Variants in TENM4 observed in about 807,000 individuals in gnomAD.
TENM4 encodes the protein teneurin transmembrane protein 4, also known as teneurin-4.
Under a neutral mutation model 243.3 loss-of-function variants are expected in TENM4, and 82 were observed. That is an observed-to-expected ratio of 0.34 (90% confidence interval 0.28 to 0.40). The LOEUF (loss-of-function observed/expected upper bound fraction) is 0.40, where lower values mean the gene tolerates loss of function less well. TENM4 is among the 10% of genes least tolerant of loss of function. TENM4 has a pLI of 1.00. For synonymous variants in TENM4, 1,412 were observed against 1,456.3 expected, an observed-to-expected ratio of 0.97 and a Z score of 0.69; for missense variants, 3,138 against 3,673.3, an observed-to-expected ratio of 0.85 and a Z score of 3.77.
intron 15 of TENM4, among the ~76,000 whole-genome samples, chr11:78,801,244 T>G (rs1857275864): frequency 6.6e-6 from 1 of 152,150 alleles, no homozygotes. Context: ...CTTTTCTATC[T>G]GTTTAACAGC....
chr11:79,165,879 C>A (rs1156552291), intron 3 of TENM4, among the ~76,000 whole-genome samples: 5 of 152,098 alleles, frequency 3.3e-5, no homozygotes, highest in East Asian at 1.9e-4. Context: ...ATCCAAGTAC[C>A]ATTTGTTGAA....
At chr11:79,019,990 C>CCA (rs1021381188) in intron 6 of TENM4, among the ~76,000 whole-genome samples, 23 of 152,212 alleles carry the variant, frequency 1.5e-4, no homozygotes, top group African/African-American at 5.3e-4. Context: ...TCTCAATATC[C>CCA]CACCACCCTG....
chr11:79,001,358 C>T (rs1305642418), intron 6 of TENM4, among the ~76,000 whole-genome samples: 1 of 152,060 alleles, frequency 6.6e-6, no homozygotes, highest in East Asian at 1.9e-4. Flanking sequence ...AGCTGGGAAC[C>T]CTGCATGGGG....
chr11:79,024,309 C>T (rs1859017486), intron 6 of TENM4, among the ~76,000 whole-genome samples: 1 of 152,184 alleles, frequency 6.6e-6, no homozygotes, highest in Non-Finnish European at 1.5e-5. Flanking sequence ...TTCCAGCCTC[C>T]CTAGACTTCC....
At chr11:79,422,248 T>TACACACATACAC (rs1858948740) in intron 1 of TENM4, 1 of 142,736 alleles carries the variant, frequency 7.0e-6, no homozygotes, top group Non-Finnish European at 1.5e-5. Context: ...ACATGGTTCT[T>TACACACATACAC]ACACACACAC....
intron 20 of TENM4, among the ~76,000 whole-genome samples, chr11:78,735,950 CTT>C (rs928368938): frequency 6.8e-6 from 1 of 146,650 alleles, no homozygotes; most frequent in Non-Finnish European, 1.5e-5. Flanking sequence ...TTCTCTCTCT[CTT>C]TTTTCTTTTG....
At chr11:79,248,073 C>G (rs1009849979) in intron 2 of TENM4, among the ~76,000 whole-genome samples, 3 of 152,146 alleles carry the variant, frequency 2.0e-5, no homozygotes, top group Admixed American at 6.5e-5. Context: ...CCCAAGATGA[C>G]GTGGCTCATT....
At chr11:78,898,961 T>C (rs971384705) in intron 7 of TENM4, among the ~76,000 whole-genome samples, 5 of 152,176 alleles carry the variant, frequency 3.3e-5, no homozygotes, top group Admixed American at 6.5e-5. Flanking sequence ...GACATTATCT[T>C]AATATGTTTG....
chr11:78,928,690 A>G (rs1054617810), intron 6 of TENM4, among the ~76,000 whole-genome samples: 1 of 152,216 alleles, frequency 6.6e-6, no homozygotes, highest in African/African-American at 2.4e-5. Flanking sequence ...AATTAAACCT[A>G]GTTTATAATT....
intron 4 of TENM4, among the ~76,000 whole-genome samples, chr11:79,121,711 G>C (rs953027153): frequency 1.3e-5 from 2 of 152,156 alleles, no homozygotes; most frequent in African/African-American, 4.8e-5. Context: ...GTTGGCTCAG[G>C]AACCCATCGT....
rs376797038 is a variant in TENM4, at chr11:78,670,491, G to A, written c.5854C>T (p.Arg1952Cys). 3.6e-5 allele frequency: 58 copies of A among 1,613,638 alleles called. No homozygotes were observed. Among genetic ancestry groups the A allele is most frequent in the African/African-American group, 2.8e-4 (21 of 74,914 alleles). Residue 1952 changes from arginine (R) to cysteine (C), a missense_variant, in exon 32 of 34, where the codon CGC becomes TGC. Around this residue, in one of 2 missense-constraint regions of TENM4, gnomAD observed 2,467 missense variants for 3,059.1 expected, o/e 0.81. Transcript: ENST00000278550. ...QYIFEFDKND[R>C]LSSVTMPNVA... is the part of the protein sequence containing the mutation. ...TTGGGCATCGTCACAGAAGAGAGGC[G>A]GTCATTCTTGTCGAACTCAAAGATA...
intron 1 of TENM4, among the ~76,000 whole-genome samples, chr11:79,427,958 G>A (rs957438063): frequency 1.3e-5 from 2 of 152,080 alleles, no homozygotes; most frequent in Non-Finnish European, 2.9e-5. Context: ...ACTGACAAAC[G>A]GTTGCACAAA....
At chr11:79,437,792 C>G (rs567819628) in intron 1 of TENM4, among the ~76,000 whole-genome samples, 4 of 152,196 alleles carry the variant, frequency 2.6e-5, no homozygotes, top group South Asian at 2.1e-4. Context: ...CCGCCCTGCC[C>G]GGGGAGCTAA....
chr11:79,220,021 C>T (rs554772146), intron 2 of TENM4, among the ~76,000 whole-genome samples: 1 of 152,326 alleles, frequency 6.6e-6, no homozygotes, highest in Admixed American at 6.5e-5. Context: ...AGCCGTGGTA[C>T]CCGGAGCAGT....
intron 4 of TENM4, among the ~76,000 whole-genome samples, chr11:79,140,202 T>C (rs535747460): frequency 1.5e-4 from 23 of 152,218 alleles, no homozygotes; most frequent in African/African-American, 5.3e-4. Context: ...GGTTCCCACC[T>C]GCTAGCCAGT....
intron 4 of TENM4, among the ~76,000 whole-genome samples, chr11:79,127,845 T>C (rs1341275084): frequency 6.6e-6 from 1 of 152,162 alleles, no homozygotes; most frequent in African/African-American, 2.4e-5. Context: ...AGGAGTCCAG[T>C]GGTATGGGGC....
intron 1 of TENM4, among the ~76,000 whole-genome samples, chr11:79,307,991 G>A (rs1472959443): frequency 6.6e-6 from 1 of 152,248 alleles, no homozygotes; most frequent in African/African-American, 2.4e-5. Flanking sequence ...CAACAATTGG[G>A]AGATGTTGGT....
intron 4 of TENM4, among the ~76,000 whole-genome samples, chr11:79,078,212 A>G (rs1860580753): frequency 6.6e-6 from 1 of 152,194 alleles, no homozygotes; most frequent in Non-Finnish European, 1.5e-5. Flanking sequence ...AAATTGACTG[A>G]ATTCCTACTG....
intron 27 of TENM4, 51 bp downstream of exon 27, chr11:78,708,310 T>G: frequency 6.2e-7 from 1 of 1,606,148 alleles, no homozygotes. Flanking sequence ...GGGTGGCAGA[T>G]GAGAGGATGA....
Sources: gnomAD v4.1 joint callset for allele counts (sites outside exome capture counted in the v4.1 genomes callset) on GRCh38, gnomAD v4.1.1 for gene constraint, gnomAD v4.1.1 regional missense constraint, MANE v1.5 for transcripts, NCBI Gene and HGNC (gene_info 2026-07-23, HGNC 2026-07-21) for gene names.